The following PPP1R12C variants were observed in gnomAD, a reference collection of about 807,000 sequenced individuals.
The protein encoded by PPP1R12C is protein phosphatase 1 regulatory subunit 12C.
Under a neutral mutation model 95.6 loss-of-function variants are expected in PPP1R12C, and 48 were observed. The ratio of observed to expected loss-of-function variants is 0.50; its 90% CI spans 0.40 to 0.64. The LOEUF is 0.64. Ranked by LOEUF, PPP1R12C falls within the 30% of genes least tolerant of loss-of-function variation. The probability of loss-of-function intolerance (pLI) is 0.00; values close to 1 mark genes in which losing one functional copy is unlikely to be tolerated. For missense variants in PPP1R12C, 1,057 were observed against 1,083.3 expected (o/e 0.98, Z 0.34); for synonymous variants, 480 against 460.8 (o/e 1.04, Z -0.53).
In PPP1R12C at chr19:55,092,401, C is replaced by T. The variant is rs762896476; in HGVS notation, c.2055+41G>A. On this transcript the variant is annotated intron_variant, in intron 18 of 21. Coordinates refer to ENST00000263433, the MANE Select transcript of PPP1R12C (RefSeq NM_017607.4). ...GGGGCGGGGAAGCCAGGAAGCTGGG[C>T]ACCCAGCAGGCAAAGCCCCGACGGA... The T allele has an allele frequency of 6.3e-6, 10 of 1,577,586 alleles. No homozygotes were observed. In the South Asian group the frequency reaches 9.2e-5, roughly 15 times the overall value.
intron 3 of PPP1R12C, 111 bp downstream of exon 3, chr19:55,112,356 T>C: frequency 2.2e-6 from 2 of 929,602 alleles, no homozygotes; most frequent in Non-Finnish European, 1.6e-6. Context: ...AGAAAGACAA[T>C]CCTAGGAAGC....
At position 55,093,003 on chromosome 19, in the gene PPP1R12C, G is replaced by A. The variant is rs199583653; in HGVS notation, c.1825+13C>T. 8.8e-5 allele frequency: 138 copies of A among 1,570,220 alleles called. No individual in the cohort carries two copies. The highest frequency in any genetic ancestry group is 1.1e-4 in the Non-Finnish European group (131 of 1,156,480). On this transcript the variant is annotated intron_variant, in intron 15 of 21. Transcript: ENST00000263433. ...GATTCCCTGGGAATGACCTCCCCGA[G>A]AGCAGACCTCACCTCTCTGGGCAGG...
chr19:55,094,530 G>T, intron 12 of PPP1R12C, 95 bp from the exon 13 acceptor site: 1 of 1,579,306 alleles, frequency 6.3e-7, no homozygotes. Flanking sequence ...CTGTGGGAGG[G>T]GACTCCAACT....
Position 55,096,094 on chromosome 19 carries a change from C to A in PPP1R12C, c.1110G>T (p.Gly370=). The A allele has an allele frequency of 2.5e-6, 4 of 1,593,568 alleles. No homozygotes were observed. Among genetic ancestry groups the A allele is most frequent in the South Asian group, 1.1e-5 (1 of 88,564 alleles). The change falls in exon 8 of 22, where the codon GGG becomes GGT. Residue 370 remains glycine (G), a synonymous_variant. Coordinates refer to ENST00000263433, the MANE Select transcript of PPP1R12C (RefSeq NM_017607.4). ...SKERRPGGAG[G]PPIQDEDEGE... is the part of the protein sequence containing the mutation. ...CCTCATCCTCGTCCTGGATGGGGGG[C>A]CCCCCAGCCCCACCAGGCCGGCGCT...
rs2084868952 is a variant in PPP1R12C at position 55,093,251 on chromosome 19, C to T, written c.1684-18G>A. 2 of 1,609,390 alleles carry T rather than the reference C, an allele frequency of 1.2e-6. No homozygotes were observed. The highest frequency in any genetic ancestry group is 1.3e-5 in the African/African-American group (1 of 74,760). On this transcript the variant is annotated intron_variant, in intron 13 of 21. Transcript: ENST00000263433. ...GTCACACCCTGGCAGGGAAAGGGGACAGTCAGGGGACGCTGGGGTCAGGGC... is the reference window on the plus strand; with the variant it reads ...GTCACACCCTGGCAGGGAAAGGGGATAGTCAGGGGACGCTGGGGTCAGGGC...
Position 55,112,486 on chromosome 19 carries a change from C to G in PPP1R12C, c.552G>C (p.Lys184Asn). 6.2e-7 allele frequency: 1 copy of G among 1,612,336 alleles called. No individual in the cohort carries two copies. The highest frequency in any genetic ancestry group is 8.5e-7 in the Non-Finnish European group (1 of 1,179,722). ...AESDAMEGLL[K>N]AEIARRGVDV... ...GCCCACCTCGGCGGGCGATCTCCGC[C>G]TTCAGCAGCCCCTCCATGGCGTCCG... Residue 184 changes from lysine (K) to asparagine (N), a missense_variant, in exon 3 of 22, where the codon AAG becomes AAC. Lys to Asn is a moderately conservative substitution (Grantham distance 94, BLOSUM62 0). This residue lies in a region of PPP1R12C where 282 missense variants were observed against 380.4 expected (regional missense o/e 0.74). Coordinates refer to ENST00000263433, the MANE Select transcript of PPP1R12C (RefSeq NM_017607.4).
intron 3 of PPP1R12C, among the ~76,000 whole-genome samples, chr19:55,106,798 C>A (rs2085043217): frequency 1.3e-5 from 2 of 152,190 alleles, no homozygotes; most frequent in Non-Finnish European, 2.9e-5. Flanking sequence ...TGACCGGGCC[C>A]ATAGCCTGGC....
intron 12 of PPP1R12C, 61 bp from the exon 13 acceptor site, chr19:55,094,496 G>A (rs1483137399): frequency 1.9e-6 from 3 of 1,605,018 alleles, no homozygotes; most frequent in African/African-American, 1.3e-5. Flanking sequence ...TTCCGTGGCT[G>A]ACACCCTCCG....
intron 12 of PPP1R12C, 77 bp from the exon 13 acceptor site, chr19:55,094,512 A>G: frequency 6.3e-7 from 1 of 1,597,738 alleles, no homozygotes; most frequent in Non-Finnish European, 8.5e-7. Flanking sequence ...CTCCGCGGGA[A>G]GCAAGTTCTG....
chr19:55,105,095 T>TCACA (rs949322524), intron 3 of PPP1R12C, among the ~76,000 whole-genome samples: 8 of 149,236 alleles, frequency 5.4e-5, no homozygotes, highest in African/African-American at 2.0e-4. Context: ...AGACAGGACC[T>TCACA]CACACTGTCA....
intron 5 of PPP1R12C, 35 bp from the exon 6 acceptor site, chr19:55,098,893 G>C: frequency 6.2e-7 from 1 of 1,612,332 alleles, no homozygotes; most frequent in Non-Finnish European, 8.5e-7. Context: ...AGACAATGAA[G>C]GAGGTGCTGG....
chr19:55,106,209 C>T (rs2085036783), intron 3 of PPP1R12C, among the ~76,000 whole-genome samples: 1 of 152,222 alleles, frequency 6.6e-6, no homozygotes, highest in African/African-American at 2.4e-5. Context: ...GTTTGCTGAC[C>T]CCTGCTTAGA....
At chr19:55,098,763 C>T (rs1463370711) in intron 6 of PPP1R12C, 21 bp downstream of exon 6, 29 of 1,613,054 alleles carry the variant, frequency 1.8e-5, no homozygotes, top group East Asian at 4.5e-5. Context: ...CTGGGGTAAG[C>T]CCCTCAGCCC....
intron 6 of PPP1R12C, among the ~76,000 whole-genome samples, chr19:55,097,543 G>A (rs113976469): frequency 0.04 from 313 of 7,780 alleles, 8 homozygotes; most frequent in South Asian, 0.09. Flanking sequence ...CACCGTCTTC[G>A]CCCCTTCCCC....
chr19:55,095,147 C>T, intron 11 of PPP1R12C, 144 bp downstream of exon 11: 1 of 965,514 alleles, frequency 1.0e-6, no homozygotes, highest in Non-Finnish European at 1.6e-6. Context: ...GGAGAGAGCC[C>T]CCAAGAGGAA....
At chr19:55,099,987 G>A (rs531669874) in intron 4 of PPP1R12C, among the ~76,000 whole-genome samples, 1 of 152,250 alleles carries the variant, frequency 6.6e-6, no homozygotes, top group Non-Finnish European at 1.5e-5. Context: ...CCTCTCTCTG[G>A]TCCCGCCCAC....
At chr19:55,106,392 C>T (rs943463508) in intron 3 of PPP1R12C, among the ~76,000 whole-genome samples, 2 of 152,230 alleles carry the variant, frequency 1.3e-5, no homozygotes, top group African/African-American at 4.8e-5. Flanking sequence ...CGGCTATAAT[C>T]CATGCTGACC....
At chr19:55,092,374 G>C (rs755277391) in intron 18 of PPP1R12C, 48 bp from the exon 19 acceptor site, 8 of 1,568,246 alleles carry the variant, frequency 5.1e-6, no homozygotes, top group Middle Eastern at 1.7e-4. Flanking sequence ...GGCGATGCTG[G>C]GGGGGCGGGG....
At position 55,093,226 on chromosome 19, in the gene PPP1R12C, G is replaced by T; in HGVS notation, c.1691C>A (p.Thr564Asn). 1 of 1,613,028 alleles carries T rather than the reference G, an allele frequency of 6.2e-7. No homozygotes were observed. Residue 564 changes from threonine to asparagine, a missense_variant, in exon 14 of 22, where the codon ACT becomes AAT. Thr to Asn is a moderately conservative substitution (Grantham distance 65). Transcript: ENST00000263433. ...RQSRRSTQGV[T>N]LTDLKEAEKA... is the part of the protein sequence containing the mutation. ...CTCTGCCTCCTTCAGGTCTGTAAGA[G>T]TCACACCCTGGCAGGGAAAGGGGAC... is the stretch of plus-strand genomic sequence containing the variant.
Sources: allele counts gnomAD v4.1 joint callset (sites outside exome capture counted in the v4.1 genomes callset), GRCh38; gene constraint gnomAD v4.1.1; regional missense constraint gnomAD v4.1.1; transcripts MANE v1.5; gene names NCBI Gene and HGNC (gene_info 2026-07-23, HGNC 2026-07-21).